The following GART variants were observed in gnomAD, a reference collection of about 807,000 sequenced individuals.
The protein encoded by GART is phosphoribosylglycinamide formyltransferase, phosphoribosylglycinamide synthetase, phosphoribosylaminoimidazole synthetase.
In GART, 43 loss-of-function variants were observed where a neutral mutation model predicts 107.2. The observed-to-expected ratio is 0.40, with a 90% CI of 0.31 to 0.52. GART has a LOEUF of 0.52. Ranked by LOEUF, GART falls within the 20% of genes least tolerant of loss-of-function variation. The probability of loss-of-function intolerance (pLI) is 0.52; values close to 1 mark genes in which losing one functional copy is unlikely to be tolerated. For synonymous variants in GART, 434 were observed against 427.0 expected (o/e 1.02, Z -0.20); for missense variants, 1,107 against 1,206.5 (o/e 0.92, Z 1.22).
intron 20 of GART, 95 bp downstream of exon 20, chr21:33,505,466 T>C (rs939126566): frequency 4.1e-5 from 40 of 980,466 alleles, no homozygotes; most frequent in Non-Finnish European, 5.9e-5. Context: ...ATTTCTGGGA[T>C]GGGTGTTCAC....
intron 15 of GART, 102 bp downstream of exon 15, chr21:33,517,255 G>GGTA: frequency 6.4e-7 from 1 of 1,563,520 alleles, no homozygotes; most frequent in Non-Finnish European, 8.7e-7. Context: ...AGCAAACCAA[G>GGTA]GTAATTCATT....
intron 4 of GART, among the ~76,000 whole-genome samples, chr21:33,534,146 T>C (rs1448598723): frequency 6.6e-6 from 1 of 152,186 alleles, no homozygotes; most frequent in Non-Finnish European, 1.5e-5. Flanking sequence ...TTTCCTTAAT[T>C]ATCTTACTAC....
chr21:33,504,757 CAG>C (rs2084650563), intron 20 of GART, among the ~76,000 whole-genome samples: 1 of 152,142 alleles, frequency 6.6e-6, no homozygotes, highest in African/African-American at 2.4e-5. Context: ...GTGCTCTGAA[CAG>C]ACATTCATGG....
intron 15 of GART, 30 bp from the exon 16 acceptor site, chr21:33,517,171 T>TA (rs907925782): frequency 2.5e-6 from 4 of 1,586,160 alleles, no homozygotes; most frequent in African/African-American, 2.7e-5. Flanking sequence ...GACAAAAACT[T>TA]AGCCTATGAA....
intron 2 of GART, among the ~76,000 whole-genome samples, chr21:33,536,982 C>G (rs2145763873): frequency 6.6e-6 from 1 of 152,212 alleles, no homozygotes; most frequent in Middle Eastern, 3.4e-3. Context: ...GGGTCCAAGT[C>G]CAGAAAAGGT....
At chr21:33,527,035 T>C (rs550159128) in intron 10 of GART, among the ~76,000 whole-genome samples, 2 of 152,354 alleles carry the variant, frequency 1.3e-5, no homozygotes, top group African/African-American at 4.8e-5. Context: ...GCAGAACTAT[T>C]ATACACTTGT....
intron 6 of GART, 105 bp from the exon 7 acceptor site, chr21:33,530,989 T>G: frequency 8.8e-7 from 1 of 1,131,432 alleles, no homozygotes; most frequent in Non-Finnish European, 1.2e-6. Flanking sequence ...TGAGGAAAAG[T>G]TTGTTTTTTT....
Position 33,537,447 on chromosome 21 carries a change from C to T in GART, c.145+1724G>A, listed in dbSNP as rs540773731. ...CCATGCAAAACAAGACAGACAAGTT[C>T]CTTGCCCTCATGGAGCTTACATTCT... On this transcript the variant is annotated intron_variant, in intron 2 of 21. Coordinates refer to ENST00000381815, the MANE Select transcript of GART (RefSeq NM_000819.5). Among the ~76,000 whole-genome samples, 105 of 152,264 alleles carry T rather than the reference C, an allele frequency of 6.9e-4. 1 individual carries two copies. The Middle Eastern group carries it at 0.01, about 15-fold the overall frequency.
At chr21:33,506,984 A>G (rs1398147948) in intron 18 of GART, among the ~76,000 whole-genome samples, 1 of 152,176 alleles carries the variant, frequency 6.6e-6, no homozygotes. Flanking sequence ...TACAATTATT[A>G]TGGAGAACAG....
chr21:33,520,817 CAT>C (rs2084959544), intron 13 of GART, 87 bp downstream of exon 13: 9 of 990,792 alleles, frequency 9.1e-6, no homozygotes, highest in Admixed American at 4.6e-5. Flanking sequence ...CTTTTTAGCT[CAT>C]ATATGTCAAG....
chr21:33,522,159 AT>A, intron 12 of GART, 28 bp downstream of exon 12: 1 of 1,514,418 alleles, frequency 6.6e-7, no homozygotes, highest in Admixed American at 1.7e-5. Flanking sequence ...ATCAAAGTTA[AT>A]GAATTAGCAA....
intron 17 of GART, chr21:33,510,344 T>G (rs545239927): frequency 6.4e-6 from 1 of 155,534 alleles, no homozygotes; most frequent in Admixed American, 6.5e-5. Flanking sequence ...TTTTTTTTCT[T>G]TTTGAGATGG....
chr21:33,531,290 C>A, intron 6 of GART, 199 bp downstream of exon 6: 1 of 561,646 alleles, frequency 1.8e-6, no homozygotes, highest in Non-Finnish European at 3.1e-6. Flanking sequence ...CCCCCACTAA[C>A]ACACTAGGGA....
At chr21:33,506,251 A>C (rs1269249384) in intron 18 of GART, 147 bp from the exon 19 acceptor site, 1 of 775,726 alleles carries the variant, frequency 1.3e-6, no homozygotes, top group Non-Finnish European at 1.9e-6. Context: ...TCAAGCAATT[A>C]TCCTGCCTCA....
In GART at chr21:33,516,983, T is replaced by C. The variant is rs371183986; in HGVS notation, c.2107+6A>G. 5.5e-5 allele frequency: 87 copies of C among 1,587,760 alleles called. 2 individuals carry two copies. The Middle Eastern group carries it at 8.4e-4, about 15-fold the overall frequency. On this transcript the variant is annotated splice_donor_region_variant and intron_variant, in intron 16 of 21. Coordinates refer to ENST00000381815, the MANE Select transcript of GART (RefSeq NM_000819.5). Reference sequence around the variant, plus strand: ...TCTGAACAGAAGTTCGTTTTAGTGATCTTACCTAAATCTACCCCAAGTTTC... The same window carrying C: ...TCTGAACAGAAGTTCGTTTTAGTGACCTTACCTAAATCTACCCCAAGTTTC...
Position 33,528,266 on chromosome 21 carries a change from T to C in GART, c.967A>G (p.Thr323Ala). 2 of 1,614,082 alleles carry C rather than the reference T, an allele frequency of 1.2e-6. No individual in the cohort carries two copies. Among genetic ancestry groups the C allele is most frequent in the Non-Finnish European group, 1.7e-6 (2 of 1,179,952 alleles). ...TTTTCTAGCCAAACAGGCAGAGATG[T>C]GCAGAGCAGTCCATCTAAGGTGGAC... ...IQSTLDGLLC[T>A]SLPVWLENHT... The change falls in exon 10 of 22, where the codon ACA becomes GCA. Residue 323 changes from threonine to alanine, a missense_variant. By Grantham distance (58) the Thr-to-Ala change is moderately conservative. Transcript: ENST00000381815.
chr21:33,537,289 A>C (rs1223353162), intron 2 of GART, among the ~76,000 whole-genome samples: 1 of 152,192 alleles, frequency 6.6e-6, no homozygotes, highest in Non-Finnish European at 1.5e-5. Flanking sequence ...AAAAGGAGGT[A>C]TTTGCTAATT....
intron 14 of GART, among the ~76,000 whole-genome samples, chr21:33,517,975 G>C (rs2084907997): frequency 6.6e-6 from 1 of 152,200 alleles, no homozygotes; most frequent in East Asian, 1.9e-4. Flanking sequence ...TTCAGGTGAT[G>C]ATACAGCCTT....
Position 33,517,671 on chromosome 21 carries a change from G to A in GART, c.1703-63C>T, listed in dbSNP as rs1261905364. ...TTATAAATCTGTCTAGGAAACAGTG[G>A]CACAGGCTACTCTTAACATGAACAA... On this transcript the variant is annotated intron_variant, in intron 14 of 21. Transcript: ENST00000381815. The A allele has an allele frequency of 2.6e-6, 4 of 1,545,008 alleles. No individual in the cohort carries two copies. In the East Asian group the frequency reaches 6.7e-5, roughly 26 times the overall value.
Sources: allele counts gnomAD v4.1 joint callset (sites outside exome capture counted in the v4.1 genomes callset), GRCh38; gene constraint gnomAD v4.1.1; transcripts MANE v1.5; gene names NCBI Gene and HGNC (gene_info 2026-07-23, HGNC 2026-07-21).